SNCAIP: variants seen among roughly 807,000 people sequenced by gnomAD.
SNCAIP encodes synuclein alpha interacting protein.
SNCAIP carries 43 observed loss-of-function variants against 86.7 expected under a neutral mutation model. That is an observed-to-expected ratio of 0.50 (90% CI 0.39 to 0.64). The LOEUF is 0.64. SNCAIP is among the 30% of genes least tolerant of loss of function. SNCAIP has a pLI of 0.00. For missense variants in SNCAIP, 981 were observed against 1,103.1 expected, an observed-to-expected ratio of 0.89 and a Z score of 1.57; for synonymous variants, 417 against 427.2, an observed-to-expected ratio of 0.98 and a Z score of 0.29.
At chr5:122,432,155 T>C in intron 6 of SNCAIP, 73 bp downstream of exon 6, 1 of 743,796 alleles carries the variant, frequency 1.3e-6, no homozygotes, top group African/African-American at 1.7e-5. Flanking sequence ...TATTAGTCCA[T>C]CAAAATCCAA....
intron 1 of SNCAIP, among the ~76,000 whole-genome samples, chr5:122,318,070 G>A (rs1752153901): frequency 6.6e-6 from 1 of 152,006 alleles, no homozygotes; most frequent in South Asian, 2.1e-4. Flanking sequence ...AAAAGTACAG[G>A]CTCCTACCAT....
At chr5:122,417,299 C>T (rs1775506458) in intron 3 of SNCAIP, among the ~76,000 whole-genome samples, 1 of 152,076 alleles carries the variant, frequency 6.6e-6, no homozygotes, top group Admixed American at 6.6e-5. Flanking sequence ...AGACATAGAT[C>T]CAGAGAAATT....
At chr5:122,312,768 A>C (rs908233220) in intron 1 of SNCAIP, 2 of 152,662 alleles carry the variant, frequency 1.3e-5, no homozygotes, top group Non-Finnish European at 1.5e-5. Flanking sequence ...CCCCTCGCTC[A>C]TCAGCACCAG....
chr5:122,362,993 A>ATTTTT (rs769726232), intron 1 of SNCAIP, among the ~76,000 whole-genome samples: 6 of 113,942 alleles, frequency 5.3e-5, no homozygotes, highest in African/African-American at 2.0e-4. Flanking sequence ...CATAAATTCT[A>ATTTTT]TTTTTTTTTT....
At chr5:122,356,135 T>C (rs1163084563) in intron 1 of SNCAIP, among the ~76,000 whole-genome samples, 1 of 144,518 alleles carries the variant, frequency 6.9e-6, no homozygotes, top group Non-Finnish European at 1.5e-5. Context: ...GGTCTCACTC[T>C]GTCACCCAGG....
At chr5:122,444,899 C>T in intron 8 of SNCAIP, 167 bp downstream of exon 8, 1 of 688,226 alleles carries the variant, frequency 1.5e-6, no homozygotes, top group South Asian at 1.6e-5. Context: ...AGCGTTCGTG[C>T]TGAAGATGCC....
intron 1 of SNCAIP, among the ~76,000 whole-genome samples, chr5:122,381,744 C>A (rs1320816481): frequency 6.6e-6 from 1 of 151,910 alleles, no homozygotes; most frequent in South Asian, 2.1e-4. Flanking sequence ...CTGGTGGTGA[C>A]AAAATCTCTC....
At chr5:122,439,410 C>T (rs1780289796) in intron 6 of SNCAIP, among the ~76,000 whole-genome samples, 2 of 152,172 alleles carry the variant, frequency 1.3e-5, no homozygotes, top group South Asian at 2.1e-4. Flanking sequence ...TCATCATGCT[C>T]TTTAGGGGTC....
At chr5:122,319,762 T>G (rs1752555511) in intron 1 of SNCAIP, among the ~76,000 whole-genome samples, 1 of 152,242 alleles carries the variant, frequency 6.6e-6, no homozygotes, top group Non-Finnish European at 1.5e-5. Context: ...GTTTGACATG[T>G]AACCATTTAT....
chr5:122,337,178 A>G (rs1756653849), intron 1 of SNCAIP, among the ~76,000 whole-genome samples: 1 of 152,212 alleles, frequency 6.6e-6, no homozygotes, highest in South Asian at 2.1e-4. Flanking sequence ...TATACTGCAC[A>G]TATATTGTGG....
At chr5:122,322,314 T>A (rs892289559) in intron 1 of SNCAIP, among the ~76,000 whole-genome samples, 1 of 152,264 alleles carries the variant, frequency 6.6e-6, no homozygotes, top group African/African-American at 2.4e-5. Flanking sequence ...ATAATTCATA[T>A]AACCCAACCT....
intron 1 of SNCAIP, among the ~76,000 whole-genome samples, chr5:122,318,888 T>C (rs1752357206): frequency 6.6e-6 from 1 of 152,062 alleles, no homozygotes; most frequent in Non-Finnish European, 1.5e-5. Context: ...CTGTTTTGAG[T>C]ACTTAAAAGA....
At chr5:122,431,513 T>C (rs1445403047) in intron 5 of SNCAIP, among the ~76,000 whole-genome samples, 1 of 152,092 alleles carries the variant, frequency 6.6e-6, no homozygotes. Context: ...TACACTAATC[T>C]ATTGTGACAG....
intron 5 of SNCAIP, among the ~76,000 whole-genome samples, chr5:122,429,791 A>G (rs905200066): frequency 1.3e-5 from 2 of 152,182 alleles, no homozygotes; most frequent in South Asian, 4.1e-4. Flanking sequence ...TGTTTATTTA[A>G]CAGCCAGGAC....
At chr5:122,328,281 G>C (rs919253069) in intron 1 of SNCAIP, among the ~76,000 whole-genome samples, 2 of 152,062 alleles carry the variant, frequency 1.3e-5, no homozygotes, top group Non-Finnish European at 2.9e-5. Flanking sequence ...TGTATTTCTA[G>C]TCCTGGGCTA....
At chr5:122,339,203 G>A (rs1048881937) in intron 1 of SNCAIP, among the ~76,000 whole-genome samples, 2 of 152,146 alleles carry the variant, frequency 1.3e-5, no homozygotes, top group Admixed American at 1.3e-4. Context: ...GAAATTTTCT[G>A]ATTTTTAGGA....
chr5:122,403,917 T>C (rs1161798408), intron 3 of SNCAIP, 52 bp downstream of exon 3: 13 of 1,397,488 alleles, frequency 9.3e-6, no homozygotes, highest in Non-Finnish European at 1.2e-5. Flanking sequence ...TGTTAATGGC[T>C]CCTGGAAAGC....
chr5:122,455,451 G>T (rs1784552240), intron 10 of SNCAIP, among the ~76,000 whole-genome samples: 1 of 152,180 alleles, frequency 6.6e-6, no homozygotes, highest in African/African-American at 2.4e-5. Flanking sequence ...CCAAATCTTG[G>T]CCCCAAAATT....
chr5:122,425,110 C>G (rs1344792662), intron 4 of SNCAIP, among the ~76,000 whole-genome samples: 1 of 152,216 alleles, frequency 6.6e-6, no homozygotes, highest in African/African-American at 2.4e-5. Context: ...CTTGAAGCCT[C>G]CACACCTCAT....
Sources: gnomAD v4.1 joint callset for allele counts (sites outside exome capture counted in the v4.1 genomes callset) on GRCh38, gnomAD v4.1.1 for gene constraint, MANE v1.5 for transcripts, NCBI Gene and HGNC (gene_info 2026-07-23, HGNC 2026-07-21) for gene names.